Variants in DDX55 observed in about 807,000 individuals in gnomAD.
DDX55 encodes ATP-dependent RNA helicase DDX55.
A neutral mutation model predicts 69.2 loss-of-function variants in DDX55; 56 were observed. The observed-to-expected ratio is 0.81, with a 90% CI of 0.65 to 1.01. DDX55 has a LOEUF of 1.01. DDX55 is among the 50% of genes least tolerant of loss of function. The probability of loss-of-function intolerance (pLI) is 0.00; values close to 1 mark genes in which losing one functional copy is unlikely to be tolerated. For missense variants in DDX55, 720 were observed against 745.1 expected (o/e 0.97, Z 0.39); for synonymous variants, 268 against 273.1 (o/e 0.98, Z 0.18).
At position 123,619,668 on chromosome 12, in the gene DDX55, CAGA is replaced by C. The variant is rs1196673978; in HGVS notation, c.1573_1575del (p.Lys525del). Reference sequence around the variant, plus strand: ...CATAAAAAATAAAGCTTGGTCAAAGCAGAAGGCCAAAAAAGAAAAGAAGAAAAA... The same window carrying C: ...CATAAAAAATAAAGCTTGGTCAAAGCAGGCCAAAAAAGAAAAGAAGAAAAA... On this transcript the variant is annotated inframe_deletion, in exon 13 of 14. Transcript: ENST00000238146. 1.3e-6 allele frequency: 2 copies of C among 1,585,462 alleles called. No individual in the cohort carries two copies. Among genetic ancestry groups the C allele is most frequent in the Non-Finnish European group, 8.5e-7 (1 of 1,172,522 alleles).
chr12:123,616,410 C>T, intron 9 of DDX55, 101 bp from the exon 10 acceptor site: 1 of 1,014,970 alleles, frequency 9.9e-7, no homozygotes, highest in Admixed American at 1.8e-5. Context: ...CTGTGAGAAG[C>T]TCCAGCACCT....
In DDX55 at chr12:123,619,983, A is replaced by G; in HGVS notation, c.1646A>G (p.Glu549Gly). The change falls in exon 14 of 14, where the codon GAG (glutamate) becomes GGG (glycine). Residue 549 changes from glutamate to glycine, a missense_variant. Coordinates refer to ENST00000238146, the MANE Select transcript of DDX55 (RefSeq NM_020936.3). The stretch of plus-strand genomic sequence containing the variant: ...ACTTAGGGTTCTGATATTGAAGATG[A>G]GGACATGGAAGAACTTCTTAATGAC... Reference protein sequence around the residue: ...KREEGSDIEDEDMEELLNDTR... With the variant: ...KREEGSDIEDGDMEELLNDTR... 6.2e-7 allele frequency: 1 copy of G among 1,613,328 alleles called. No homozygotes were observed. The highest frequency in any genetic ancestry group is 8.5e-7 in the Non-Finnish European group (1 of 1,179,756).
In DDX55 at chr12:123,613,032, AGTTAACATTCCG is replaced by A. The variant is rs1250099486; in HGVS notation, c.742-137_742-126del. Reference sequence around the variant, plus strand: ...ATATTTATTCTGAGCTAGGTAGACCAGTTAACATTCCGACTAAAGTCTGTCCTACCCATGGGG... The same window carrying A: ...ATATTTATTCTGAGCTAGGTAGACCAACTAAAGTCTGTCCTACCCATGGGG... On this transcript the variant is annotated intron_variant, in intron 7 of 13. Coordinates refer to ENST00000238146, the MANE Select transcript of DDX55 (RefSeq NM_020936.3). 4 of 791,656 alleles carry A rather than the reference AGTTAACATTCCG, an allele frequency of 5.1e-6. No individual in the cohort carries two copies. The African/African-American group carries it at 6.9e-5, about 14-fold the overall frequency. 49.0% of individuals were successfully genotyped at this position (791,656 alleles called of 1,614,324 possible). A position where few individuals can be genotyped will look rare whatever the true frequency, so the allele number is the denominator to read the frequency against.
chr12:123,605,976 G>C lies in DDX55; in HGVS notation c.154G>C (p.Glu52Gln), dbSNP rs751491547. 3.1e-6 allele frequency: 5 copies of C among 1,614,160 alleles called. No individual in the cohort carries two copies. The South Asian group carries it at 5.5e-5, about 18-fold the overall frequency. Reference protein sequence around the residue: ...LFMRNKDVAAEAVTGSGKTLA... With the variant: ...LFMRNKDVAAQAVTGSGKTLA... The stretch of plus-strand genomic sequence containing the variant: ...CATGCGAAACAAAGATGTCGCTGCA[G>C]AAGCGGTGAGTGCCTCGGGTATGTG... Residue 52 changes from glutamate to glutamine, a missense_variant, in exon 2 of 14, where the codon GAA becomes CAA. Transcript: ENST00000238146.
At chr12:123,616,471 G>A (rs1318061553) in intron 9 of DDX55, 40 bp from the exon 10 acceptor site, 1 of 1,586,762 alleles carries the variant, frequency 6.3e-7, no homozygotes, top group Non-Finnish European at 8.7e-7. Flanking sequence ...GATGAAGATG[G>A]TGGCCTCCTT....
chr12:123,613,137 T>A (rs767943918), intron 7 of DDX55, 33 bp from the exon 8 acceptor site: 1 of 1,607,158 alleles, frequency 6.2e-7, no homozygotes, highest in East Asian at 2.2e-5. Context: ...TTGCCAAATA[T>A]GTTTTTTATT....
chr12:123,613,269 TG>T lies in DDX55; in HGVS notation c.824+18del. The T allele has an allele frequency of 6.2e-7, 1 of 1,611,886 alleles. No homozygotes were observed. Among genetic ancestry groups the T allele is most frequent in the Non-Finnish European group, 8.5e-7 (1 of 1,178,118 alleles). On this transcript the variant is annotated intron_variant, in intron 8 of 13. Coordinates refer to ENST00000238146, the MANE Select transcript of DDX55 (RefSeq NM_020936.3). Reference sequence around the variant, plus strand: ...CTTCTTCAGGTACTCCTCTGGTCTCTGTGGTAGAGGCATCAGGGATTCAGCC... The same window carrying T: ...CTTCTTCAGGTACTCCTCTGGTCTCTTGGTAGAGGCATCAGGGATTCAGCC...
intron 7 of DDX55, among the ~76,000 whole-genome samples, chr12:123,610,804 A>T (rs1211428033): frequency 6.6e-6 from 1 of 150,654 alleles, no homozygotes; most frequent in Non-Finnish European, 1.5e-5. Flanking sequence ...GTTAGCCAGG[A>T]TGGTCTCCAT....
chr12:123,609,887 T>A (rs1294127941), intron 6 of DDX55, 52 bp from the exon 7 acceptor site: 1 of 1,575,062 alleles, frequency 6.3e-7, no homozygotes, highest in African/African-American at 1.4e-5. Context: ...AAGCACTGTG[T>A]GTTGATTCTG....
At chr12:123,605,701 A>C in intron 1 of DDX55, 1 of 649,828 alleles carries the variant, frequency 1.5e-6, no homozygotes, top group Non-Finnish European at 2.8e-6. Flanking sequence ...CGACAGGGCT[A>C]GAATTCAGGA....
intron 1 of DDX55, among the ~76,000 whole-genome samples, chr12:123,603,191 TAG>T (rs915988047): frequency 6.6e-6 from 1 of 152,044 alleles, no homozygotes; most frequent in Non-Finnish European, 1.5e-5. Flanking sequence ...GATTTCTCTG[TAG>T]AGAGTGGCCT....
At chr12:123,617,904 C>A in intron 11 of DDX55, 32 bp downstream of exon 11, 1 of 844,982 alleles carries the variant, frequency 1.2e-6, no homozygotes, top group Non-Finnish European at 1.7e-6. Flanking sequence ...GATAGAATGC[C>A]TAGTGACGGG....
At chr12:123,605,677 G>T in intron 1 of DDX55, 1 of 594,106 alleles carries the variant, frequency 1.7e-6, no homozygotes, top group East Asian at 3.2e-5. Context: ...CTGGTTCAGA[G>T]AGGAAAGTAG....
intron 7 of DDX55, among the ~76,000 whole-genome samples, chr12:123,612,757 G>C (rs1228172673): frequency 1.3e-5 from 2 of 151,578 alleles, no homozygotes; most frequent in Non-Finnish European, 2.9e-5. Context: ...TGAGGTGGGA[G>C]GATCGCCGGA....
rs192900698 is a variant in DDX55, at chr12:123,605,902, A to C, written c.109-29A>C. The stretch of plus-strand genomic sequence containing the variant: ...CACCTGTGAATTGATGGCATCCTTT[A>C]ACCAGTGCTTTGCAATCTCTCTCTT... On this transcript the variant is annotated intron_variant, in intron 1 of 13. Coordinates refer to ENST00000238146, the MANE Select transcript of DDX55 (RefSeq NM_020936.3). The C allele has an allele frequency of 4.2e-4, 682 of 1,614,074 alleles. 1 individual carries two copies. Among genetic ancestry groups the C allele is most frequent in the Middle Eastern group, 2.1e-3 (13 of 6,060 alleles).
chr12:123,603,614 A>ACTCCTGAC (rs1235248204), intron 1 of DDX55, among the ~76,000 whole-genome samples: 3 of 150,194 alleles, frequency 2.0e-5, no homozygotes, highest in Admixed American at 6.6e-5. Context: ...TTGGTCTTGA[A>ACTCCTGAC]CTCCTGACCT....
At chr12:123,618,955 A>G in intron 12 of DDX55, 118 bp downstream of exon 12, 1 of 1,427,270 alleles carries the variant, frequency 7.0e-7, no homozygotes, top group Non-Finnish European at 9.4e-7. Context: ...TAGACACAGA[A>G]TAAACTGGCC....
Position 123,613,159 on chromosome 12 carries a change from T to C in DDX55, c.742-11T>C, listed in dbSNP as rs757297594. 2 of 1,613,882 alleles carry C rather than the reference T, an allele frequency of 1.2e-6. No individual in the cohort carries two copies. Among genetic ancestry groups the C allele is most frequent in the South Asian group, 2.2e-5 (2 of 91,028 alleles). On this transcript the variant is annotated splice_polypyrimidine_tract_variant and intron_variant, in intron 7 of 13. Coordinates refer to ENST00000238146, the MANE Select transcript of DDX55 (RefSeq NM_020936.3). Reference sequence around the variant, plus strand: ...ATATGTTTTTTATTAGTTTCCCTTTTTATTTTGCAGGTATGCAAGGCAGAT... The same window carrying C: ...ATATGTTTTTTATTAGTTTCCCTTTCTATTTTGCAGGTATGCAAGGCAGAT...
intron 11 of DDX55, 55 bp downstream of exon 11, chr12:123,617,927 G>C: frequency 2.0e-6 from 3 of 1,528,598 alleles, no homozygotes; most frequent in Non-Finnish European, 2.7e-6. Flanking sequence ...AGCTGGAAAA[G>C]TTCTCCAGCA....
Sources: gnomAD v4.1 joint callset for allele counts (sites outside exome capture counted in the v4.1 genomes callset) on GRCh38, gnomAD v4.1.1 for gene constraint, MANE v1.5 for transcripts, NCBI Gene and HGNC (gene_info 2026-07-23, HGNC 2026-07-21) for gene names.